Variants in ANKRD18A observed in about 807,000 individuals in gnomAD.
The protein encoded by ANKRD18A is ankyrin repeat domain 18A.
A neutral mutation model predicts 110.6 loss-of-function variants in ANKRD18A; 72 were observed. That is an observed-to-expected ratio of 0.65 (90% CI 0.54 to 0.79). The LOEUF is 0.79. Ranked by LOEUF, ANKRD18A falls within the 30% of genes least tolerant of loss-of-function variation. ANKRD18A has a pLI of 0.00. For synonymous variants in ANKRD18A, 305 were observed against 410.3 expected, an observed-to-expected ratio of 0.74 and a Z score of 3.10; for missense variants, 934 against 1,163.3, an observed-to-expected ratio of 0.80 and a Z score of 2.87.
chr9:38,615,041 T>A, intron 3 of ANKRD18A, among the ~76,000 whole-genome samples: 1 of 152,198 alleles, frequency 6.6e-6, no homozygotes. Flanking sequence ...GAGCGCTTTG[T>A]CTCAATACAT....
At chr9:38,618,517 CTG>C (rs1173721347) in intron 1 of ANKRD18A, among the ~76,000 whole-genome samples, 2 of 152,130 alleles carry the variant, frequency 1.3e-5, no homozygotes, top group Non-Finnish European at 2.9e-5. Flanking sequence ...TCTCTATTTT[CTG>C]AAGGTATTTT....
intron 15 of ANKRD18A, among the ~76,000 whole-genome samples, chr9:38,573,502 G>A (rs902259316): frequency 6.6e-6 from 1 of 152,114 alleles, no homozygotes; most frequent in African/African-American, 2.4e-5. Context: ...AGATCACAAA[G>A]TCAAGAGATC....
intron 15 of ANKRD18A, chr9:38,572,526 A>G (rs73450360): frequency 0.02 from 3,020 of 154,174 alleles, 103 homozygotes; most frequent in African/African-American, 0.067. Context: ...TGACTGAAGG[A>G]CGAGGAAAAT....
At chr9:38,599,522 T>C (rs1233260400) in intron 8 of ANKRD18A, among the ~76,000 whole-genome samples, 1 of 151,980 alleles carries the variant, frequency 6.6e-6, no homozygotes, top group African/African-American at 2.4e-5. Flanking sequence ...TGGAGTGCAA[T>C]GGCATAATCT....
downstream of ANKRD18A, among the ~76,000 whole-genome samples, chr9:38,568,589 A>G: frequency 6.6e-6 from 1 of 150,584 alleles, no homozygotes; most frequent in East Asian, 2.1e-4. Flanking sequence ...TGAGTGGGTG[A>G]GGTTGGTGGC....
chr9:38,611,464 T>A, intron 3 of ANKRD18A, 143 bp from the exon 4 acceptor site: 1 of 1,428,888 alleles, frequency 7.0e-7, no homozygotes, highest in South Asian at 1.6e-5. Context: ...CTTTCACTCC[T>A]CTGTGCTTTC....
chr9:38,568,809 T>C (rs1587472358), downstream of ANKRD18A: 2 of 985,312 alleles, frequency 2.0e-6, no homozygotes, highest in Non-Finnish European at 2.4e-6. Flanking sequence ...GGGACCATAG[T>C]GCCCCTCCCC....
In ANKRD18A at chr9:38,610,857, T is replaced by TATAATAATAATAATAATA. The variant is rs55823641; in HGVS notation, c.602+340_602+357dup. ...CAGCATCAACAACAACAGCAACAAC[T>TATAATAATAATAATAATA]ATAATAATAATAATAATAATAATGG... On this transcript the variant is annotated intron_variant, in intron 4 of 15. Coordinates refer to ENST00000399703, the MANE Select transcript of ANKRD18A (RefSeq NM_147195.4). Among the ~76,000 whole-genome samples, 550 of 133,006 alleles carry TATAATAATAATAATAATA rather than the reference T, an allele frequency of 4.1e-3. 5 individuals are homozygous for TATAATAATAATAATAATA. Among genetic ancestry groups the TATAATAATAATAATAATA allele is most frequent in the African/African-American group, 0.015 (496 of 32,036 alleles). 87.3% of individuals were successfully genotyped at this position (133,006 alleles called of 152,430 possible). A position where few individuals can be genotyped will look rare whatever the true frequency, so the allele number is the denominator to read the frequency against.
At chr9:38,584,692 T>C (rs1034331874) in intron 12 of ANKRD18A, among the ~76,000 whole-genome samples, 8 of 152,122 alleles carry the variant, frequency 5.3e-5, no homozygotes, top group Admixed American at 5.2e-4. Context: ...TAAGGAAAAA[T>C]ATATACATAC....
chr9:38,619,341 C>G (rs916455760), intron 1 of ANKRD18A, among the ~76,000 whole-genome samples: 1 of 152,116 alleles, frequency 6.6e-6, no homozygotes, highest in Non-Finnish European at 1.5e-5. Flanking sequence ...TCATCTGAAA[C>G]GTTACCATTA....
At chr9:38,591,031 G>A (rs544158421) in intron 10 of ANKRD18A, among the ~76,000 whole-genome samples, 2,013 of 152,038 alleles carry the variant, frequency 0.013, 49 homozygotes, top group African/African-American at 0.046. Context: ...CTTGATCACC[G>A]CTCACTGCAG....
intron 1 of ANKRD18A, among the ~76,000 whole-genome samples, 155 bp downstream of exon 1, chr9:38,619,925 G>C (rs565964162): frequency 1.7e-4 from 26 of 152,186 alleles, no homozygotes; most frequent in African/African-American, 6.3e-4. Context: ...GACGGACGGG[G>C]AATTGCCAGC....
chr9:38,581,725 T>G (rs1824174669), intron 12 of ANKRD18A, among the ~76,000 whole-genome samples: 1 of 152,218 alleles, frequency 6.6e-6, no homozygotes, highest in African/African-American at 2.4e-5. Flanking sequence ...ATCTCTGTAT[T>G]ATACCGCAAT....
chr9:38,615,788 A>G, intron 2 of ANKRD18A, 21 bp from the exon 3 acceptor site: 1 of 1,600,828 alleles, frequency 6.2e-7, no homozygotes, highest in Non-Finnish European at 8.5e-7. Context: ...TAGATAAAAA[A>G]CTAGACTATA....
At chr9:38,605,033 A>G (rs1825290393) in intron 6 of ANKRD18A, 1 of 158,512 alleles carries the variant, frequency 6.3e-6, no homozygotes, top group African/African-American at 2.4e-5. Context: ...CCCACATTTT[A>G]GAAGATTGCA....
chr9:38,581,502 AAAG>A (rs770586092), intron 12 of ANKRD18A, among the ~76,000 whole-genome samples: 1 of 152,228 alleles, frequency 6.6e-6, no homozygotes, highest in Non-Finnish European at 1.5e-5. Flanking sequence ...GAAAATTCTA[AAAG>A]AAGAAGCTCT....
chr9:38,572,643 G>C (rs1312819135), intron 15 of ANKRD18A: 1 of 153,594 alleles, frequency 6.5e-6, no homozygotes, highest in Non-Finnish European at 1.5e-5. Context: ...GCAGAATGCA[G>C]TAAGTGGTGA....
At chr9:38,612,786 G>A (rs1341358177) in intron 3 of ANKRD18A, among the ~76,000 whole-genome samples, 9 of 152,026 alleles carry the variant, frequency 5.9e-5, no homozygotes, top group South Asian at 2.1e-4. Context: ...CAAAGTGCTG[G>A]GATTACAGGT....
chr9:38,578,146 A>G lies in ANKRD18A; in HGVS notation c.2250T>C (p.Phe750=). 1 of 1,540,878 alleles carries G rather than the reference A, an allele frequency of 6.5e-7. No individual in the cohort carries two copies. Among genetic ancestry groups the G allele is most frequent in the Non-Finnish European group, 8.7e-7 (1 of 1,144,540 alleles). Residue 750 remains phenylalanine (F), a splice_region_variant and synonymous_variant, in exon 13 of 16, where the codon TTT becomes TTC. Transcript: ENST00000399703. ...CTTCCTTCTCGGCCACAAGATCATT[A>G]AACTGCATTAAGAAAATAATAGAGC... The part of the protein sequence containing the change: ...DILFKKLKQK[F]NDLVAEKEAV...
Sources: gnomAD v4.1 joint callset for allele counts (sites outside exome capture counted in the v4.1 genomes callset) on GRCh38, gnomAD v4.1.1 for gene constraint, MANE v1.5 for transcripts, NCBI Gene and HGNC (gene_info 2026-07-23, HGNC 2026-07-21) for gene names.